Variants in FREM3 observed in about 807,000 individuals in gnomAD.
The protein encoded by FREM3 is FRAS1-related extracellular matrix protein 3.
In FREM3, 105 loss-of-function variants were observed where a neutral mutation model predicts 129.1. That is an observed-to-expected ratio of 0.81 (90% CI 0.69 to 0.96). The LOEUF (loss-of-function observed/expected upper bound fraction) is 0.96, where lower values mean the gene tolerates loss of function less well. Ranked by LOEUF, FREM3 falls within the 40% of genes least tolerant of loss-of-function variation. The probability of loss-of-function intolerance (pLI) is 0.00; values close to 1 mark genes in which losing one functional copy is unlikely to be tolerated. For synonymous variants in FREM3, 1,014 were observed against 1,044.9 expected, an observed-to-expected ratio of 0.97 and a Z score of 0.57; for missense variants, 2,593 against 2,666.3, an observed-to-expected ratio of 0.97 and a Z score of 0.61.
intron 2 of FREM3, among the ~76,000 whole-genome samples, chr4:143,684,416 G>T (rs560573275): frequency 1.3e-5 from 2 of 152,302 alleles, no homozygotes; most frequent in African/African-American, 4.8e-5. Flanking sequence ...CACAATCACT[G>T]TAGTTCGGCT....
intron 7 of FREM3, among the ~76,000 whole-genome samples, chr4:143,579,946 C>G (rs1284500031): frequency 1.3e-5 from 2 of 152,144 alleles, no homozygotes; most frequent in Non-Finnish European, 2.9e-5. Flanking sequence ...GCAGAGGCGT[C>G]ATTACTTTTA....
At chr4:143,634,560 G>A (rs1739202016) in intron 2 of FREM3, among the ~76,000 whole-genome samples, 1 of 152,058 alleles carries the variant, frequency 6.6e-6, no homozygotes, top group African/African-American at 2.4e-5. Context: ...GAAGCTCCAA[G>A]CCAGAAGCAA....
At chr4:143,633,490 G>A (rs1242899847) in intron 2 of FREM3, among the ~76,000 whole-genome samples, 1 of 152,066 alleles carries the variant, frequency 6.6e-6, no homozygotes, top group Non-Finnish European at 1.5e-5. Context: ...TAAGTGTTGA[G>A]GATAGAACAA....
At chr4:143,659,933 G>GT (rs1463963410) in intron 2 of FREM3, among the ~76,000 whole-genome samples, 6 of 151,394 alleles carry the variant, frequency 4.0e-5, no homozygotes, top group African/African-American at 1.2e-4. Context: ...GGGGTTGTTT[G>GT]TTTTTTTCTT....
chr4:143,591,346 A>G (rs1485855036), intron 6 of FREM3, among the ~76,000 whole-genome samples: 1 of 152,094 alleles, frequency 6.6e-6, no homozygotes, highest in Non-Finnish European at 1.5e-5. Context: ...TGTGAATTTT[A>G]GATCTTTCCT....
At chr4:143,682,650 C>A (rs1038696073) in intron 2 of FREM3, among the ~76,000 whole-genome samples, 10 of 152,146 alleles carry the variant, frequency 6.6e-5, no homozygotes, top group Non-Finnish European at 1.2e-4. Flanking sequence ...ATTCTTAGTT[C>A]AAAATGCAAA....
chr4:143,656,703 G>A (rs1190559443), intron 2 of FREM3, among the ~76,000 whole-genome samples: 1 of 152,126 alleles, frequency 6.6e-6, no homozygotes, highest in African/African-American at 2.4e-5. Context: ...ATTTATTTTT[G>A]GAGGATATAA....
intron 7 of FREM3, among the ~76,000 whole-genome samples, chr4:143,583,528 T>C (rs1006399371): frequency 6.6e-6 from 1 of 151,216 alleles, no homozygotes; most frequent in East Asian, 1.9e-4. Flanking sequence ...AAGGTTGACA[T>C]GAAAGAAAAA....
chr4:143,662,234 A>T (rs1467264494), intron 2 of FREM3, among the ~76,000 whole-genome samples: 2 of 152,156 alleles, frequency 1.3e-5, no homozygotes, highest in African/African-American at 4.8e-5. Context: ...TTAGTGCTAC[A>T]AATTTCCCTC....
In FREM3 at chr4:143,668,013, A is replaced by G. The variant is rs561349629; in HGVS notation, c.5275+25100T>C. Among the ~76,000 whole-genome samples, 14 of 152,382 alleles carry G rather than the reference A, an allele frequency of 9.2e-5. No homozygotes were observed. In the South Asian group the frequency reaches 2.9e-3, roughly 32 times the overall value. On this transcript the variant is annotated intron_variant, in intron 2 of 7. Coordinates refer to ENST00000329798, the MANE Select transcript of FREM3 (RefSeq NM_001168235.2). Reference sequence around the variant, plus strand: ...TCAGATATAATAAAAGTTGCTTATTATAACTTACAGAAATTACTTTTAAAA... The same window carrying G: ...TCAGATATAATAAAAGTTGCTTATTGTAACTTACAGAAATTACTTTTAAAA...
chr4:143,630,122 A>G (rs1739112474), intron 2 of FREM3, among the ~76,000 whole-genome samples: 1 of 152,156 alleles, frequency 6.6e-6, no homozygotes, highest in Non-Finnish European at 1.5e-5. Flanking sequence ...TGAACAAATT[A>G]TGGATCTTCA....
Position 143,696,281 on chromosome 4 carries a change from T to A in FREM3, c.4395A>T (p.Thr1465=). The A allele has an allele frequency of 6.5e-7, 1 of 1,537,630 alleles. No individual in the cohort carries two copies. ...NSSDEHHFSI[T]RAPSLGHLES... is the part of the protein sequence containing the mutation. ...CTAAGTGACCCAGGCTTGGAGCCCG[T>A]GTAATGCTAAAGTGATGTTCATCAG... The change falls in exon 1 of 8, where the codon ACA becomes ACT. Residue 1465 remains threonine (T), a synonymous_variant. Coordinates refer to ENST00000329798, the MANE Select transcript of FREM3 (RefSeq NM_001168235.2).
At chr4:143,637,444 T>A (rs981244760) in intron 2 of FREM3, among the ~76,000 whole-genome samples, 2 of 152,124 alleles carry the variant, frequency 1.3e-5, no homozygotes, top group Non-Finnish European at 2.9e-5. Context: ...TTGGTTGAAA[T>A]TTGCCATATT....
intron 2 of FREM3, among the ~76,000 whole-genome samples, chr4:143,633,011 T>G (rs565995683): frequency 2.0e-5 from 3 of 152,300 alleles, no homozygotes; most frequent in African/African-American, 7.2e-5. Flanking sequence ...GCTTTGCCAA[T>G]GTAGCTTGAG....
chr4:143,590,332 G>A (rs58582951), intron 6 of FREM3, among the ~76,000 whole-genome samples: 17,573 of 152,124 alleles, frequency 0.12, 2,124 homozygotes, highest in East Asian at 0.63. Flanking sequence ...CAAAGGGAAT[G>A]TTTCCAGTTT....
At chr4:143,665,485 C>G (rs901379453) in intron 2 of FREM3, among the ~76,000 whole-genome samples, 4 of 152,022 alleles carry the variant, frequency 2.6e-5, no homozygotes, top group African/African-American at 9.7e-5. Flanking sequence ...TAAAATAATG[C>G]TACAGTAAAG....
chr4:143,682,036 A>G (rs889740612), intron 2 of FREM3, among the ~76,000 whole-genome samples: 4 of 152,240 alleles, frequency 2.6e-5, no homozygotes, highest in Admixed American at 6.5e-5. Flanking sequence ...CCAAGGGTTT[A>G]AGGCAGTATC....
At chr4:143,663,760 A>G (rs971019086) in intron 2 of FREM3, among the ~76,000 whole-genome samples, 12 of 151,934 alleles carry the variant, frequency 7.9e-5, no homozygotes, top group Non-Finnish European at 1.5e-4. Context: ...ATAGTCCCAT[A>G]TTTCTTGGAG....
At chr4:143,667,112 T>C (rs969151106) in intron 2 of FREM3, among the ~76,000 whole-genome samples, 1 of 152,156 alleles carries the variant, frequency 6.6e-6, no homozygotes, top group Non-Finnish European at 1.5e-5. Context: ...ATATTTCTAA[T>C]AGTTGCGAAG....
Sources: allele counts gnomAD v4.1 joint callset (sites outside exome capture counted in the v4.1 genomes callset), GRCh38; gene constraint gnomAD v4.1.1; transcripts MANE v1.5; gene names NCBI Gene and HGNC (gene_info 2026-07-23, HGNC 2026-07-21).